The following ELAVL4 variants were observed in gnomAD, a reference collection of about 807,000 sequenced individuals.
ELAVL4 encodes ELAV like RNA binding protein 4.
In ELAVL4, 1 loss-of-function variant was observed where a neutral mutation model predicts 35.6. The observed-to-expected ratio is 0.03, with a 90% CI of 0.01 to 0.13. The LOEUF is 0.13. ELAVL4 is among the 10% of genes least tolerant of loss of function. ELAVL4 has a pLI of 1.00. For synonymous variants in ELAVL4, 156 were observed against 171.0 expected (o/e 0.91, Z 0.69); for missense variants, 267 against 464.9 (o/e 0.57, Z 3.91).
At chr1:50,158,095 C>T (rs1399388831) in intron 2 of ELAVL4, among the ~76,000 whole-genome samples, 2 of 152,120 alleles carry the variant, frequency 1.3e-5, no homozygotes. Context: ...TCAGGTTTAT[C>T]ATTTATAAAA....
chr1:50,088,138 T>C lies in ELAVL4; in HGVS notation c.18+39956T>C, dbSNP rs533561989. ...TGCTTTAATTGTAAGGAATAGCTTA[T>C]TGTTGACTGGAAACATCCTGGCTCA... On this transcript the variant is annotated intron_variant, in intron 1 of 6. Transcript: ENST00000448907. Among the ~76,000 whole-genome samples the C allele has an allele frequency of 4.1e-4, 63 of 152,306 alleles. No homozygotes were observed. In the South Asian group the frequency reaches 0.013, roughly 31 times the overall value.
At chr1:50,080,514 G>C (rs1179235882) in intron 1 of ELAVL4, among the ~76,000 whole-genome samples, 1 of 152,076 alleles carries the variant, frequency 6.6e-6, no homozygotes, top group African/African-American at 2.4e-5. Context: ...AAATATATAT[G>C]TGTATATATT....
intron 6 of ELAVL4, among the ~76,000 whole-genome samples, chr1:50,199,054 T>C (rs1022039403): frequency 6.6e-6 from 1 of 152,208 alleles, no homozygotes; most frequent in African/African-American, 2.4e-5. Context: ...ATGATACAAG[T>C]TACAAATAGA....
At chr1:50,079,568 C>G (rs1474088000) in intron 1 of ELAVL4, among the ~76,000 whole-genome samples, 1 of 152,124 alleles carries the variant, frequency 6.6e-6, no homozygotes, top group East Asian at 1.9e-4. Context: ...AGACAATTCT[C>G]TCAGTCAAGG....
rs1644025890 is a variant in ELAVL4, at chr1:50,195,896, C to T, written c.734+110C>T. 9 of 1,259,352 alleles carry T rather than the reference C, an allele frequency of 7.1e-6. No individual in the cohort carries two copies. In the Admixed American group the frequency reaches 9.6e-5, roughly 13 times the overall value. 78.0% of individuals were successfully genotyped at this position (1,259,352 alleles called of 1,614,324 possible). ...GGGGCAAGGGTAAAAGCTTCCACCC[C>T]CAGGAATCACTGTGCAAAACTCCCC... On this transcript the variant is annotated intron_variant, in intron 5 of 6. Coordinates refer to ENST00000371824, the MANE Select transcript of ELAVL4 (RefSeq NM_001144774.3).
At chr1:50,108,831 G>T, upstream of ELAVL4, 1 of 851,066 alleles carries the variant, frequency 1.2e-6, no homozygotes, top group Non-Finnish European at 1.4e-6. Context: ...ACCTGATGTT[G>T]CAACGCCTCC....
At chr1:50,111,504 C>T (rs1667070571) in intron 1 of ELAVL4, among the ~76,000 whole-genome samples, 1 of 152,054 alleles carries the variant, frequency 6.6e-6, no homozygotes, top group Non-Finnish European at 1.5e-5. Flanking sequence ...TTTACTAAAT[C>T]GGATGTTGAT....
At chr1:50,093,624 C>T (rs1008627901) in intron 1 of ELAVL4, among the ~76,000 whole-genome samples, 1 of 152,134 alleles carries the variant, frequency 6.6e-6, no homozygotes, top group African/African-American at 2.4e-5. Flanking sequence ...TCTGGGTTTG[C>T]CCGAGAGAAG....
At position 50,053,954 on chromosome 1, in the gene ELAVL4, T is replaced by G. The variant is rs536957552; in HGVS notation, c.18+5772T>G. Among the ~76,000 whole-genome samples, 5 of 152,228 alleles carry G rather than the reference T, an allele frequency of 3.3e-5. No homozygotes were observed. In the East Asian group the frequency reaches 7.7e-4, roughly 24 times the overall value. On this transcript the variant is annotated intron_variant, in intron 1 of 6. Transcript: ENST00000448907. The stretch of plus-strand genomic sequence containing the variant: ...TTGATGAAGATGAAGAAGTTTTAGT[T>G]GTGTGGCTATCTGGGGGTTATAAGC...
intron 1 of ELAVL4, among the ~76,000 whole-genome samples, chr1:50,121,823 A>G (rs1004620985): frequency 6.6e-6 from 1 of 152,064 alleles, no homozygotes; most frequent in Non-Finnish European, 1.5e-5. Context: ...GGGGCTCTTT[A>G]TTAACCAAAG....
chr1:50,135,445 C>G (rs1032816528), intron 1 of ELAVL4, among the ~76,000 whole-genome samples: 12 of 152,086 alleles, frequency 7.9e-5, no homozygotes, highest in African/African-American at 2.9e-4. Flanking sequence ...CTGAAGGAGA[C>G]TGCTTAAAAC....
chr1:50,159,054 A>AAG (rs1553181209), intron 2 of ELAVL4, among the ~76,000 whole-genome samples: 79 of 150,104 alleles, frequency 5.3e-4, no homozygotes, highest in Admixed American at 8.0e-4. Context: ...AAAAAAAAAA[A>AAG]AAAGAAAGAA....
chr1:50,154,287 T>A (rs1675331537), intron 2 of ELAVL4, among the ~76,000 whole-genome samples: 1 of 152,228 alleles, frequency 6.6e-6, no homozygotes, highest in African/African-American at 2.4e-5. Context: ...AGAAGGAAGT[T>A]GACAGCTTTC....
At chr1:50,165,710 TTATA>T (rs1557816719) in intron 2 of ELAVL4, among the ~76,000 whole-genome samples, 1 of 148,166 alleles carries the variant, frequency 6.7e-6, no homozygotes, top group East Asian at 2.0e-4. Context: ...ACATATATAC[TTATA>T]TATGTATATA....
chr1:50,158,495 G>A (rs748414830), intron 2 of ELAVL4, among the ~76,000 whole-genome samples: 2 of 152,098 alleles, frequency 1.3e-5, no homozygotes, highest in Non-Finnish European at 2.9e-5. Context: ...ACACACAATT[G>A]TTTTGCATTT....
intron 3 of ELAVL4, chr1:50,181,419 G>A (rs1680999118): frequency 6.6e-6 from 1 of 152,322 alleles, no homozygotes; most frequent in South Asian, 2.1e-4. Flanking sequence ...CTCTGTGCTA[G>A]GTCCTCGGAT....
chr1:50,176,727 C>T (rs556018740), intron 2 of ELAVL4, among the ~76,000 whole-genome samples: 2 of 152,292 alleles, frequency 1.3e-5, no homozygotes, highest in Non-Finnish European at 2.9e-5. Flanking sequence ...CTCTAGGACT[C>T]CAGTTTAAGT....
chr1:50,119,072 G>GAA (rs1261016915), intron 1 of ELAVL4, among the ~76,000 whole-genome samples: 1 of 136,438 alleles, frequency 7.3e-6, no homozygotes, highest in Middle Eastern at 3.7e-3. Flanking sequence ...AAGAAAGAAA[G>GAA]AAAGAAAGAA....
chr1:50,051,871 A>C (rs1482495345), intron 1 of ELAVL4, among the ~76,000 whole-genome samples: 1 of 152,172 alleles, frequency 6.6e-6, no homozygotes, highest in African/African-American at 2.4e-5. Context: ...TGGAGGCTAG[A>C]AGTTCAAGAT....
Sources: gnomAD v4.1 joint callset for allele counts (sites outside exome capture counted in the v4.1 genomes callset) on GRCh38, gnomAD v4.1.1 for gene constraint, MANE v1.5 for transcripts, NCBI Gene and HGNC (gene_info 2026-07-23, HGNC 2026-07-21) for gene names.